SEMA3C: variants seen among roughly 807,000 people sequenced by gnomAD.
SEMA3C encodes the protein semaphorin-3C.
Under a neutral mutation model 89.4 loss-of-function variants are expected in SEMA3C, and 47 were observed. That is an observed-to-expected ratio of 0.53 (90% CI 0.42 to 0.67). The LOEUF (loss-of-function observed/expected upper bound fraction) is 0.67. Among genes scored for constraint, SEMA3C ranks in the 30% least tolerant of loss-of-function variants. The pLI is 0.00. For missense variants in SEMA3C, 839 were observed against 929.1 expected (o/e 0.90, Z 1.26); for synonymous variants, 310 against 320.2 (o/e 0.97, Z 0.34).
chr7:80,875,202 T>C (rs1791172643), intron 2 of SEMA3C, among the ~76,000 whole-genome samples: 1 of 152,248 alleles, frequency 6.6e-6, no homozygotes, highest in Non-Finnish European at 1.5e-5. Flanking sequence ...AACTGGATGG[T>C]TGCGTGACAA....
At chr7:80,819,932 T>C (rs1034690563) in intron 4 of SEMA3C, among the ~76,000 whole-genome samples, 4 of 152,106 alleles carry the variant, frequency 2.6e-5, no homozygotes, top group Non-Finnish European at 4.4e-5. Context: ...AATGATTGTA[T>C]ATTAGAGACA....
intron 13 of SEMA3C, among the ~76,000 whole-genome samples, chr7:80,763,741 C>T (rs1273004520): frequency 2.6e-5 from 4 of 152,060 alleles, no homozygotes; most frequent in African/African-American, 9.7e-5. Context: ...AAGAATACTC[C>T]AGAATAAGGC....
At chr7:80,750,469 TATATACACACACAC>T (rs1377082507) in intron 16 of SEMA3C, among the ~76,000 whole-genome samples, 2 of 50,198 alleles carry the variant, frequency 4.0e-5, no homozygotes, top group South Asian at 6.1e-4. Flanking sequence ...TATATATATA[TATATACACACACAC>T]ACACACACAC....
chr7:80,877,201 T>C (rs1478062060), intron 2 of SEMA3C, among the ~76,000 whole-genome samples: 3 of 152,200 alleles, frequency 2.0e-5, no homozygotes, highest in African/African-American at 4.8e-5. Flanking sequence ...ACATTGATAA[T>C]ATAGAATTAC....
intron 2 of SEMA3C, among the ~76,000 whole-genome samples, chr7:80,914,850 A>C (rs1445130049): frequency 6.6e-6 from 1 of 152,212 alleles, no homozygotes. Flanking sequence ...ACTTCTAGTC[A>C]CTGTATAGCA....
chr7:80,806,675 C>G, intron 6 of SEMA3C, among the ~76,000 whole-genome samples: 1 of 151,988 alleles, frequency 6.6e-6, no homozygotes, highest in East Asian at 1.9e-4. Flanking sequence ...GAATTGGTAA[C>G]AAACGTGACC....
chr7:80,836,450 G>A (rs1339335200), intron 2 of SEMA3C, among the ~76,000 whole-genome samples: 1 of 152,210 alleles, frequency 6.6e-6, no homozygotes, highest in Non-Finnish European at 1.5e-5. Flanking sequence ...GGCTGAGACA[G>A]GTGGATCACC....
At chr7:80,790,651 T>C (rs1049700444) in intron 11 of SEMA3C, among the ~76,000 whole-genome samples, 1 of 152,210 alleles carries the variant, frequency 6.6e-6, no homozygotes, top group Non-Finnish European at 1.5e-5. Context: ...TCACATTCAG[T>C]TCTCAGTTCA....
chr7:80,916,084 A>C (rs1181191700), intron 2 of SEMA3C, among the ~76,000 whole-genome samples: 1 of 152,126 alleles, frequency 6.6e-6, no homozygotes, highest in Non-Finnish European at 1.5e-5. Context: ...AATCACACCC[A>C]TTTCCCTAAG....
intron 12 of SEMA3C, among the ~76,000 whole-genome samples, chr7:80,777,082 T>C (rs1227255836): frequency 6.6e-6 from 1 of 152,168 alleles, no homozygotes; most frequent in Non-Finnish European, 1.5e-5. Flanking sequence ...CTTATACATA[T>C]TTTATCTCAT....
chr7:80,914,717 T>C (rs1792229518), intron 2 of SEMA3C, among the ~76,000 whole-genome samples: 1 of 152,190 alleles, frequency 6.6e-6, no homozygotes, highest in Non-Finnish European at 1.5e-5. Flanking sequence ...AACTTTGAGA[T>C]CAACAACTCA....
intron 3 of SEMA3C, 60 bp downstream of exon 3, chr7:80,828,525 T>G: frequency 7.3e-7 from 1 of 1,372,250 alleles, no homozygotes. Flanking sequence ...CTTATTTATT[T>G]TTTTTAAAAA....
At chr7:80,838,778 C>T (rs1486868117) in intron 2 of SEMA3C, among the ~76,000 whole-genome samples, 1 of 152,090 alleles carries the variant, frequency 6.6e-6, no homozygotes, top group African/African-American at 2.4e-5. Flanking sequence ...CACTTAAAAC[C>T]ATCAGCTTTC....
At chr7:80,836,715 A>C (rs1019244126) in intron 2 of SEMA3C, among the ~76,000 whole-genome samples, 16 of 138,360 alleles carry the variant, frequency 1.2e-4, no homozygotes, top group Non-Finnish European at 2.5e-4. Context: ...AACAAACAAA[A>C]ACAGACAGAC....
At chr7:80,881,203 A>T (rs1193300668) in intron 2 of SEMA3C, among the ~76,000 whole-genome samples, 2 of 145,384 alleles carry the variant, frequency 1.4e-5, no homozygotes, top group African/African-American at 5.6e-5. Context: ...ACACACACAC[A>T]CACACACTCT....
chr7:80,764,806 G>A (rs1788260258), intron 13 of SEMA3C, among the ~76,000 whole-genome samples: 1 of 152,080 alleles, frequency 6.6e-6, no homozygotes, highest in Non-Finnish European at 1.5e-5. Context: ...GGGTTTCAGT[G>A]GCTTGTGAAG....
In SEMA3C at chr7:80,785,430, G is replaced by C. The variant is rs147414439; in HGVS notation, c.1354+3876C>G. Among the ~76,000 whole-genome samples the C allele has an allele frequency of 8.7e-4, 132 of 152,224 alleles. 1 individual carries two copies. The East Asian group carries it at 0.024, about 28-fold the overall frequency. On this transcript the variant is annotated intron_variant, in intron 12 of 17. Coordinates refer to ENST00000265361, the MANE Select transcript of SEMA3C (RefSeq NM_006379.5). ...ACTTGCTTCACTGTGCCAATAACTG[G>C]AGCATCATCATTCATTTATAACAGC...
At chr7:80,747,926 C>A (rs781712842) in intron 17 of SEMA3C, among the ~76,000 whole-genome samples, 1 of 152,062 alleles carries the variant, frequency 6.6e-6, no homozygotes, top group Non-Finnish European at 1.5e-5. Context: ...GTCTGAGAGT[C>A]GGAGAGTATT....
At chr7:80,844,983 C>T (rs561033629) in intron 2 of SEMA3C, among the ~76,000 whole-genome samples, 13 of 152,062 alleles carry the variant, frequency 8.5e-5, no homozygotes, top group Admixed American at 7.2e-4. Flanking sequence ...ATGATCTCGC[C>T]GCTTGAGGAG....
Sources: allele counts gnomAD v4.1 joint callset (sites outside exome capture counted in the v4.1 genomes callset), GRCh38; gene constraint gnomAD v4.1.1; transcripts MANE v1.5; gene names NCBI Gene and HGNC (gene_info 2026-07-23, HGNC 2026-07-21).